The following TMEM132D variants were observed in gnomAD, a reference collection of about 807,000 sequenced individuals.
The protein encoded by TMEM132D is transmembrane protein 132D.
A neutral mutation model predicts 62.3 loss-of-function variants in TMEM132D; 21 were observed. The ratio of observed to expected loss-of-function variants is 0.34; its 90% confidence interval spans 0.24 to 0.49. TMEM132D has a LOEUF of 0.49. TMEM132D is among the 20% of genes least tolerant of loss of function. The pLI, the probability that TMEM132D is intolerant of heterozygous loss-of-function variation, is 0.99. For synonymous variants in TMEM132D, 621 were observed against 575.6 expected, an observed-to-expected ratio of 1.08 and a Z score of -1.13; for missense variants, 1,346 against 1,402.8, an observed-to-expected ratio of 0.96 and a Z score of 0.65.
At chr12:129,638,619 A>G (rs1443492347) in intron 2 of TMEM132D, among the ~76,000 whole-genome samples, 1 of 44,082 alleles carries the variant, frequency 2.3e-5, no homozygotes, top group Non-Finnish European at 5.4e-5. Flanking sequence ...AATTCAGCAT[A>G]TATATATATA....
At chr12:129,626,061 T>C (rs1180178998) in intron 2 of TMEM132D, among the ~76,000 whole-genome samples, 1 of 151,920 alleles carries the variant, frequency 6.6e-6, no homozygotes, top group Non-Finnish European at 1.5e-5. Context: ...ATCTTGTTCC[T>C]AATAGAATTT....
chr12:129,793,728 C>T (rs1027354853), intron 1 of TMEM132D, among the ~76,000 whole-genome samples: 3 of 152,134 alleles, frequency 2.0e-5, no homozygotes, highest in Non-Finnish European at 4.4e-5. Flanking sequence ...AATTTTTGTA[C>T]CATTTTCCAG....
At chr12:129,110,615 C>T (rs1049702345) in intron 5 of TMEM132D, 5 of 152,256 alleles carry the variant, frequency 3.3e-5, no homozygotes, top group Admixed American at 6.5e-5. Flanking sequence ...ACCTCCCTCC[C>T]CCTGAGGTGC....
chr12:129,490,457 G>C lies in TMEM132D; in HGVS notation c.1115+40602C>G, dbSNP rs1222355910. Among the ~76,000 whole-genome samples the C allele has an allele frequency of 4.5e-5, 5 of 111,976 alleles. No individual in the cohort carries two copies. The East Asian group carries it at 1.1e-3, about 25-fold the overall frequency. 73.5% of individuals were successfully genotyped at this position (111,976 alleles called of 152,430 possible). ...TTTTTTTTTTTTTTTTTGAGACAGA[G>C]TCTCGCTGTCTCCCAGCCTGGAGTG... On this transcript the variant is annotated intron_variant, in intron 3 of 8. Coordinates refer to ENST00000422113, the MANE Select transcript of TMEM132D (RefSeq NM_133448.3).
intron 4 of TMEM132D, among the ~76,000 whole-genome samples, chr12:129,301,805 C>T (rs1308918926): frequency 3.3e-5 from 5 of 152,042 alleles, no homozygotes; most frequent in Non-Finnish European, 5.9e-5. Flanking sequence ...ATGAAACGCC[C>T]AACACCAGAA....
In TMEM132D at chr12:129,827,189, C is replaced by A. The variant is rs1227552716; in HGVS notation, c.79+76072G>T. On this transcript the variant is annotated intron_variant, in intron 1 of 8. Transcript: ENST00000422113. The surrounding 1 kb of genome is among the most constrained non-coding windows in gnomAD (Gnocchi z 9.7). ...TATTTGATCTTCTGCTAAGCTCTCC[C>A]CAGGCTTGACCTTTTAAATTCTTAA... Among the ~76,000 whole-genome samples the A allele has an allele frequency of 1.3e-5, 2 of 152,160 alleles. No homozygotes were observed. Among genetic ancestry groups the A allele is most frequent in the African/African-American group, 4.8e-5 (2 of 41,426 alleles).
intron 3 of TMEM132D, among the ~76,000 whole-genome samples, chr12:129,370,685 G>A (rs938599076): frequency 6.6e-6 from 1 of 152,140 alleles, no homozygotes; most frequent in African/African-American, 2.4e-5. Flanking sequence ...AGACACAGTG[G>A]AATATTAGCC....
At chr12:129,200,270 G>C (rs1430719940) in intron 5 of TMEM132D, among the ~76,000 whole-genome samples, 3 of 152,122 alleles carry the variant, frequency 2.0e-5, no homozygotes, top group Non-Finnish European at 2.9e-5. Context: ...ATTGAAGAAA[G>C]TGTCTATTGG....
intron 3 of TMEM132D, among the ~76,000 whole-genome samples, chr12:129,459,393 G>A (rs899019607): frequency 6.6e-6 from 1 of 152,188 alleles, no homozygotes; most frequent in African/African-American, 2.4e-5. Context: ...GGAGCTCAGA[G>A]AACTTCCCAG....
chr12:129,674,087 C>T (rs1231113953), intron 2 of TMEM132D, among the ~76,000 whole-genome samples: 1 of 152,140 alleles, frequency 6.6e-6, no homozygotes, highest in East Asian at 1.9e-4. Context: ...ATGCAAGCCT[C>T]CTTGAGTTTT....
At chr12:129,462,924 T>A (rs1037308823) in intron 3 of TMEM132D, among the ~76,000 whole-genome samples, 27 of 152,168 alleles carry the variant, frequency 1.8e-4, no homozygotes, top group African/African-American at 5.5e-4. Context: ...AAGAGAGAGG[T>A]AGGTTCTTTT....
intron 2 of TMEM132D, among the ~76,000 whole-genome samples, chr12:129,615,730 C>A (rs1203424014): frequency 1.3e-5 from 2 of 150,454 alleles, no homozygotes; most frequent in African/African-American, 4.9e-5. Flanking sequence ...TGTGATCATG[C>A]CACAGCCTGG....
intron 3 of TMEM132D, among the ~76,000 whole-genome samples, chr12:129,373,414 C>A (rs1382184685): frequency 6.6e-6 from 1 of 152,018 alleles, no homozygotes; most frequent in Admixed American, 6.6e-5. Flanking sequence ...GGGTGGATCA[C>A]GAGGTCAGGA....
chr12:129,365,729 A>G (rs1870387612), intron 3 of TMEM132D, among the ~76,000 whole-genome samples: 1 of 152,108 alleles, frequency 6.6e-6, no homozygotes, highest in South Asian at 2.1e-4. Context: ...CCTTACCTCA[A>G]TGTGTCAATC....
rs1555244565 is a variant in TMEM132D, at chr12:129,285,526, C to CA, written c.1299+52107dup. Reference sequence around the variant, plus strand: ...TGGGTGACAGAGTGAGACTGTGTCTCAAAAAAAAAAAAAAGAGAGAGAGAG... The same window carrying CA: ...TGGGTGACAGAGTGAGACTGTGTCTCAAAAAAAAAAAAAAAGAGAGAGAGAG... On this transcript the variant is annotated intron_variant, in intron 4 of 8. Coordinates refer to ENST00000422113, the MANE Select transcript of TMEM132D (RefSeq NM_133448.3). 1.4e-3 allele frequency among the ~76,000 whole-genome samples: 56 copies of CA among 40,960 alleles called. 5 individuals are homozygous for CA. The highest frequency in any genetic ancestry group is 3.9e-3 in the African/African-American group (51 of 13,134). The allele number at this position is 40,960 out of a possible 152,430, so 26.9% of individuals were successfully genotyped here.
intron 1 of TMEM132D, among the ~76,000 whole-genome samples, chr12:129,873,503 C>T (rs536717072): frequency 6.6e-6 from 1 of 152,338 alleles, no homozygotes; most frequent in South Asian, 2.1e-4. Context: ...CAGGAAATTT[C>T]AGCAACAGAA....
intron 3 of TMEM132D, among the ~76,000 whole-genome samples, chr12:129,429,809 T>C (rs1872603450): frequency 6.9e-6 from 1 of 145,420 alleles, no homozygotes; most frequent in African/African-American, 2.5e-5. Context: ...TGTTCAATTC[T>C]CACCTGAGTG....
At chr12:129,377,163 G>A (rs1020650493) in intron 3 of TMEM132D, among the ~76,000 whole-genome samples, 2 of 152,164 alleles carry the variant, frequency 1.3e-5, no homozygotes, top group African/African-American at 2.4e-5. Flanking sequence ...TAAGAGACAG[G>A]TGCACACAGA....
intron 2 of TMEM132D, among the ~76,000 whole-genome samples, chr12:129,559,619 C>T (rs1877158856): frequency 6.6e-6 from 1 of 152,154 alleles, no homozygotes; most frequent in Non-Finnish European, 1.5e-5. Flanking sequence ...TAATTTCATT[C>T]CTCTTCATCT....
Sources: gnomAD v4.1 joint callset for allele counts (sites outside exome capture counted in the v4.1 genomes callset) on GRCh38, gnomAD v4.1.1 for gene constraint, Gnocchi (gnomAD v3.1) non-coding constraint, MANE v1.5 for transcripts, NCBI Gene and HGNC (gene_info 2026-07-23, HGNC 2026-07-21) for gene names.